ARB2A: variants seen among roughly 807,000 people sequenced by gnomAD.
ARB2A encodes cotranscriptional regulator ARB2A.
the ARB2A span, among the ~76,000 whole-genome samples, chr5:94,062,945 C>A: frequency 1.3e-5 from 2 of 152,230 alleles, no homozygotes; most frequent in African/African-American, 4.8e-5. Flanking sequence ...AGCATGGCAG[C>A]CCCACAGCAG....
chr5:93,765,977 C>T, the ARB2A span, among the ~76,000 whole-genome samples: 2 of 152,124 alleles, frequency 1.3e-5, no homozygotes, highest in South Asian at 2.1e-4. Context: ...GGAAAACTGG[C>T]TAGCCATATG....
chr5:93,972,692 A>G, the ARB2A span, among the ~76,000 whole-genome samples: 3 of 152,196 alleles, frequency 2.0e-5, no homozygotes, highest in Admixed American at 1.3e-4. Flanking sequence ...GAAATCCAAC[A>G]TGAAGAAATC....
the ARB2A span, among the ~76,000 whole-genome samples, chr5:93,724,549 T>A: frequency 1.3e-5 from 2 of 152,092 alleles, no homozygotes; most frequent in African/African-American, 4.8e-5. Context: ...TAAAATTATG[T>A]CTTGTAATTA....
At chr5:93,864,404 T>C in the ARB2A span, among the ~76,000 whole-genome samples, 8 of 152,138 alleles carry the variant, frequency 5.3e-5, no homozygotes, top group African/African-American at 1.9e-4. Context: ...TTAGCTTCAT[T>C]TGAACTAAAA....
chr5:93,814,060 G>C, the ARB2A span, among the ~76,000 whole-genome samples: 11 of 152,234 alleles, frequency 7.2e-5, no homozygotes, highest in Non-Finnish European at 1.6e-4. Context: ...CACTCAGTGA[G>C]ACTGACTCTT....
chr5:93,704,378 ACT>A, the ARB2A span, among the ~76,000 whole-genome samples: 1 of 151,986 alleles, frequency 6.6e-6, no homozygotes, highest in African/African-American at 2.4e-5. Context: ...GCATAGGGAG[ACT>A]CTGTCTCTAC....
the ARB2A span, among the ~76,000 whole-genome samples, chr5:93,694,883 C>T: frequency 6.6e-6 from 1 of 152,076 alleles, no homozygotes; most frequent in Non-Finnish European, 1.5e-5. Flanking sequence ...GAAATAACAC[C>T]ACACATCTAT....
the ARB2A span, among the ~76,000 whole-genome samples, chr5:94,062,156 T>C: frequency 1.3e-5 from 2 of 152,012 alleles, no homozygotes; most frequent in South Asian, 2.1e-4. Context: ...AAAAAGCAAT[T>C]CAAAGATGAA....
chr5:93,798,344 A>G, the ARB2A span, among the ~76,000 whole-genome samples: 2 of 152,284 alleles, frequency 1.3e-5, no homozygotes, highest in African/African-American at 4.8e-5. Context: ...AAAAAGGACA[A>G]TAAACTCACT....
At chr5:93,860,865 C>G in the ARB2A span, 1 of 152,090 alleles carries the variant, frequency 6.6e-6, no homozygotes, top group African/African-American at 2.4e-5. Context: ...CCAGGATGGT[C>G]TCGATCTTCC....
chr5:94,015,711 A>T, the ARB2A span, among the ~76,000 whole-genome samples: 1 of 152,160 alleles, frequency 6.6e-6, no homozygotes, highest in Admixed American at 6.5e-5. Flanking sequence ...GTGTATTTCT[A>T]TTATTTTCTT....
At chr5:93,939,938 GC>G in the ARB2A span, among the ~76,000 whole-genome samples, 1 of 151,744 alleles carries the variant, frequency 6.6e-6, no homozygotes, top group Admixed American at 6.6e-5. Flanking sequence ...AATGTGAATG[GC>G]CTTGAAACTG....
chr5:93,681,211 A>C, the ARB2A span, among the ~76,000 whole-genome samples: 2 of 152,164 alleles, frequency 1.3e-5, no homozygotes, highest in East Asian at 3.8e-4. Flanking sequence ...TTTGGGAAAC[A>C]CGAGCTCCAG....
chr5:94,063,592 A>G, the ARB2A span, among the ~76,000 whole-genome samples: 2 of 152,120 alleles, frequency 1.3e-5, no homozygotes, highest in Non-Finnish European at 2.9e-5. Context: ...CAGTGCCAGC[A>G]TATGCCTCCC....
At chr5:93,718,155 G>A in the ARB2A span, among the ~76,000 whole-genome samples, 1 of 151,888 alleles carries the variant, frequency 6.6e-6, no homozygotes, top group African/African-American at 2.4e-5. Flanking sequence ...AATAGAGTAT[G>A]ACTCGGCTGG....
At chr5:93,791,096 T>G in the ARB2A span, among the ~76,000 whole-genome samples, 51 of 152,356 alleles carry the variant, frequency 3.3e-4, no homozygotes, top group African/African-American at 1.1e-3. Context: ...ATACCAGTTT[T>G]GAAGTATCAT....
the ARB2A span, among the ~76,000 whole-genome samples, chr5:93,799,784 T>C: frequency 6.6e-6 from 1 of 152,110 alleles, no homozygotes; most frequent in African/African-American, 2.4e-5. Flanking sequence ...GTAGTATCTA[T>C]TATTAGTAAG....
At chr5:93,953,187 C>T in the ARB2A span, among the ~76,000 whole-genome samples, 1 of 152,104 alleles carries the variant, frequency 6.6e-6, no homozygotes, top group African/African-American at 2.4e-5. Context: ...GTCATGTTTT[C>T]CTGGATAGTC....
the ARB2A span, among the ~76,000 whole-genome samples, chr5:93,829,189 T>C: frequency 6.6e-6 from 1 of 152,318 alleles, no homozygotes; most frequent in South Asian, 2.1e-4. Flanking sequence ...TCTTTCACCA[T>C]TGCCCTACAA....
Sources: gnomAD v4.1 joint callset for allele counts (sites outside exome capture counted in the v4.1 genomes callset) on GRCh38, gnomAD v4.1.1 for gene constraint, MANE v1.5 for transcripts, NCBI Gene and HGNC (gene_info 2026-07-23, HGNC 2026-07-21) for gene names.